MYH10: variants seen among roughly 807,000 people sequenced by gnomAD.
MYH10 encodes myosin heavy chain 10, also known as myosin-10.
MYH10 carries 55 observed loss-of-function variants against 257.8 expected under a neutral mutation model. The observed-to-expected ratio is 0.21, with a 90% CI of 0.17 to 0.27. The LOEUF (loss-of-function observed/expected upper bound fraction) is 0.27, where lower values mean the gene tolerates loss of function less well. Ranked by LOEUF, MYH10 falls within the 10% of genes least tolerant of loss-of-function variation. MYH10 has a pLI of 1.00. For missense variants in MYH10, 1,631 were observed against 2,500.6 expected, an observed-to-expected ratio of 0.65 and a Z score of 7.42; for synonymous variants, 854 against 921.7, an observed-to-expected ratio of 0.93 and a Z score of 1.33.
chr17:8,518,147 G>GTGTT (rs1198286862), intron 21 of MYH10, among the ~76,000 whole-genome samples: 15 of 125,892 alleles, frequency 1.2e-4, no homozygotes, highest in African/African-American at 4.1e-4. Flanking sequence ...GTGTGTGTGT[G>GTGTT]TTTGAGATAG....
intron 3 of MYH10, among the ~76,000 whole-genome samples, chr17:8,591,985 C>A (rs749822749): frequency 1.3e-5 from 2 of 152,152 alleles, no homozygotes; most frequent in East Asian, 3.8e-4. Context: ...TGCAGGACTA[C>A]GACAGTTTCC....
chr17:8,603,136 T>TGTTGATTATTATGTTA (rs2084673029), intron 3 of MYH10, among the ~76,000 whole-genome samples: 1 of 152,224 alleles, frequency 6.6e-6, no homozygotes, highest in African/African-American at 2.4e-5. Context: ...ATTCAACTCC[T>TGTTGATTATTATGTTA]CATTCAACCT....
intron 3 of MYH10, among the ~76,000 whole-genome samples, chr17:8,598,633 C>T (rs550772400): frequency 2.0e-5 from 3 of 151,770 alleles, no homozygotes; most frequent in Non-Finnish European, 4.4e-5. Context: ...CTAATGAAAA[C>T]GTTTAGAGCC....
At chr17:8,561,103 C>G in intron 7 of MYH10, 1 of 603,020 alleles carries the variant, frequency 1.7e-6, no homozygotes, top group South Asian at 2.0e-5. Flanking sequence ...TTATTCCCCT[C>G]GACATCAAGC....
chr17:8,478,980 C>T (rs2151766668), intron 40 of MYH10, among the ~76,000 whole-genome samples: 1 of 152,336 alleles, frequency 6.6e-6, no homozygotes, highest in East Asian at 1.9e-4. Context: ...GATCTGCCCG[C>T]CCTGGCCTCC....
intron 32 of MYH10, 37 bp from the exon 33 acceptor site, chr17:8,493,061 T>A: frequency 6.3e-7 from 1 of 1,598,374 alleles, no homozygotes; most frequent in Non-Finnish European, 8.5e-7. Context: ...AAGCTCAGTA[T>A]TAATGTACTC....
At chr17:8,565,489 A>G (rs2083134467) in intron 7 of MYH10, among the ~76,000 whole-genome samples, 1 of 152,240 alleles carries the variant, frequency 6.6e-6, no homozygotes, top group South Asian at 2.1e-4. Flanking sequence ...GCAATAAACT[A>G]TTACTAAAAA....
At position 8,500,828 on chromosome 17, in the gene MYH10, G is replaced by T; in HGVS notation, c.3742C>A (p.Arg1248=). The T allele has an allele frequency of 6.2e-7, 1 of 1,612,522 alleles. No homozygotes were observed. Among genetic ancestry groups the T allele is most frequent in the Non-Finnish European group, 8.5e-7 (1 of 1,179,892 alleles). The change falls in exon 29 of 43, where the codon CGG becomes AGG. Residue 1248 remains arginine (R), a splice_region_variant and synonymous_variant. Transcript: ENST00000360416. ...ELSEQLEQAK[R]FKANLEKNKQ... ...GCACACGGCAGGGCCTCCCTTACCC[G>T]CTTGGCCTGTTCCAGCTGCTCTGAG...
intron 7 of MYH10, among the ~76,000 whole-genome samples, chr17:8,562,160 C>G (rs1006944071): frequency 6.6e-6 from 1 of 152,208 alleles, no homozygotes; most frequent in African/African-American, 2.4e-5. Context: ...CTTTGACAAC[C>G]TGACAAAGTG....
chr17:8,512,456 T>C lies in MYH10; in HGVS notation c.2947A>G (p.Ile983Val). The stretch of plus-strand genomic sequence containing the variant: ...GTAAAAATTATTATACATACCTGAA[T>C]ATGTGCTTGCATTTTTTTCTTTTCA... The part of the protein sequence containing the change: ...QNEKKKMQAH[I>V]QDLEEQLDEE... Residue 983 changes from isoleucine to valine, a missense_variant, in exon 24 of 43, where the codon ATT becomes GTT. Ile to Val is a conservative substitution (Grantham distance 29, BLOSUM62 3). Transcript: ENST00000360416. 1 of 1,610,062 alleles carries C rather than the reference T, an allele frequency of 6.2e-7. No homozygotes were observed. The highest frequency in any genetic ancestry group is 8.5e-7 in the Non-Finnish European group (1 of 1,177,626).
intron 16 of MYH10, among the ~76,000 whole-genome samples, chr17:8,533,020 TGAAGA>T (rs1255443823): frequency 6.6e-6 from 1 of 152,188 alleles, no homozygotes; most frequent in African/African-American, 2.4e-5. Context: ...TCCTTCAAAA[TGAAGA>T]GAAAACCAGT....
chr17:8,556,295 C>T (rs2082793447), intron 7 of MYH10, among the ~76,000 whole-genome samples: 1 of 152,238 alleles, frequency 6.6e-6, no homozygotes, highest in African/African-American at 2.4e-5. Context: ...GGAATGCATG[C>T]ATCCACATGG....
chr17:8,518,005 G>A (rs1458596881), intron 21 of MYH10, among the ~76,000 whole-genome samples: 1 of 138,654 alleles, frequency 7.2e-6, no homozygotes, highest in Non-Finnish European at 1.5e-5. Context: ...GCTGAAGCAG[G>A]ACCCCATACC....
intron 35 of MYH10, among the ~76,000 whole-genome samples, chr17:8,489,553 A>G (rs1295714660): frequency 1.3e-5 from 2 of 152,072 alleles, no homozygotes; most frequent in East Asian, 3.9e-4. Flanking sequence ...AAAATACAAA[A>G]ATTAGCTGGG....
chr17:8,614,896 T>A (rs1171812760), intron 2 of MYH10, among the ~76,000 whole-genome samples: 1 of 152,150 alleles, frequency 6.6e-6, no homozygotes, highest in Non-Finnish European at 1.5e-5. Flanking sequence ...AAAGAAAACA[T>A]GACTATTAAT....
intron 7 of MYH10, among the ~76,000 whole-genome samples, chr17:8,557,746 C>CA (rs1359980709): frequency 6.6e-6 from 1 of 151,958 alleles, no homozygotes; most frequent in Non-Finnish European, 1.5e-5. Flanking sequence ...AAGTCATGAA[C>CA]AAAAAAACCA....
chr17:8,510,681 C>A (rs1216311703), intron 24 of MYH10, among the ~76,000 whole-genome samples: 2 of 152,130 alleles, frequency 1.3e-5, no homozygotes, highest in African/African-American at 2.4e-5. Flanking sequence ...TAGTAGCACT[C>A]ATCAAATGTG....
At chr17:8,497,155 C>T (rs1916761523) in intron 30 of MYH10, among the ~76,000 whole-genome samples, 1 of 152,164 alleles carries the variant, frequency 6.6e-6, no homozygotes, top group Non-Finnish European at 1.5e-5. Context: ...TGTATCTTTT[C>T]ACTGTAATAA....
intron 3 of MYH10, among the ~76,000 whole-genome samples, chr17:8,592,964 T>TATATATATATATATATAA (rs1567953199): frequency 2.5e-5 from 3 of 119,916 alleles, no homozygotes; most frequent in Admixed American, 8.4e-5. Context: ...TATATATATA[T>TATATATATATATATATAA]ATATATAAAA....
Sources: allele counts gnomAD v4.1 joint callset (sites outside exome capture counted in the v4.1 genomes callset), GRCh38; gene constraint gnomAD v4.1.1; transcripts MANE v1.5; gene names NCBI Gene and HGNC (gene_info 2026-07-23, HGNC 2026-07-21).